CFAP92: variants seen among roughly 807,000 people sequenced by gnomAD.
The protein encoded by CFAP92 is cilia and flagella associated protein 92 (putative), also known as uncharacterized protein CFAP92.
CFAP92 carries 86 observed loss-of-function variants against 106.3 expected under a neutral mutation model. The ratio of observed to expected loss-of-function variants is 0.81; its 90% CI spans 0.68 to 0.97. CFAP92 has a LOEUF of 0.97. Among genes scored for constraint, CFAP92 ranks in the 50% least tolerant of loss-of-function variants. The pLI is 0.00. For synonymous variants in CFAP92, 477 were observed against 506.4 expected (o/e 0.94, Z 0.78); for missense variants, 1,204 against 1,283.8 (o/e 0.94, Z 0.95).
At chr3:128,959,471 T>C (rs1440579739) in intron 9 of CFAP92, among the ~76,000 whole-genome samples, 6 of 152,080 alleles carry the variant, frequency 3.9e-5, no homozygotes, top group African/African-American at 9.7e-5. Context: ...AAATCTCCCA[T>C]TGACCTTTTC....
chr3:128,980,490 T>TG (rs1453890867), intron 4 of CFAP92, among the ~76,000 whole-genome samples: 4 of 152,044 alleles, frequency 2.6e-5, no homozygotes, highest in Non-Finnish European at 2.9e-5. Flanking sequence ...TGCTGAGGGC[T>TG]GGGTTCACCT....
At position 128,935,354 on chromosome 3, in the gene CFAP92, T is replaced by G. The variant is rs566833201; in HGVS notation, c.2259-35A>C. Reference sequence around the variant, plus strand: ...ACAGAAGGCCAAGAGCTAACTTGCATGGCAGCTTCCTGGGACACCGTGGTG... The same window carrying G: ...ACAGAAGGCCAAGAGCTAACTTGCAGGGCAGCTTCCTGGGACACCGTGGTG... On this transcript the variant is annotated intron_variant, in intron 10 of 15. Coordinates refer to ENST00000645291, the MANE Select transcript of CFAP92 (RefSeq NM_001394090.1). 3 of 1,418,496 alleles carry G rather than the reference T, an allele frequency of 2.1e-6. No individual in the cohort carries two copies. The East Asian group carries it at 7.6e-5, about 36-fold the overall frequency. The allele number at this position is 1,418,496 out of a possible 1,614,324, so 87.9% of individuals were successfully genotyped here. A position where few individuals can be genotyped will look rare whatever the true frequency, so the allele number is the denominator to read the frequency against.
Position 128,935,172 on chromosome 3 carries a change from G to A in CFAP92, c.2406C>T (p.Phe802=), listed in dbSNP as rs1462175893. ...GCCTCCGCTCAGTGTCTCGCAGGAA[G>A]AACACCGCCTGCTGCAGCAGCAGCT... is the stretch of plus-strand genomic sequence containing the variant. ...PTELLLQQAV[F]FLRDTERRRV... Residue 802 remains phenylalanine, a synonymous_variant, in exon 11 of 16, where the codon TTC becomes TTT. Coordinates refer to ENST00000645291, the MANE Select transcript of CFAP92 (RefSeq NM_001394090.1). 2.0e-6 allele frequency: 3 copies of A among 1,535,798 alleles called. No homozygotes were observed. Among genetic ancestry groups the A allele is most frequent in the Non-Finnish European group, 2.6e-6 (3 of 1,146,648 alleles).
At chr3:129,005,983 T>G (rs73865536), upstream of CFAP92, among the ~76,000 whole-genome samples, 695 of 152,402 alleles carry the variant, frequency 4.6e-3, 5 homozygotes, top group African/African-American at 0.016. Context: ...TACAAGTGAC[T>G]ACAAACATTG....
chr3:128,980,324 A>G (rs1405129543), intron 4 of CFAP92, among the ~76,000 whole-genome samples: 2 of 148,422 alleles, frequency 1.3e-5, no homozygotes, highest in African/African-American at 5.0e-5. Flanking sequence ...CCATGATCAC[A>G]CCACTGCACT....
chr3:128,934,366 T>C (rs1444930058), intron 11 of CFAP92, among the ~76,000 whole-genome samples: 1 of 152,000 alleles, frequency 6.6e-6, no homozygotes, highest in Non-Finnish European at 1.5e-5. Flanking sequence ...ATTACAGGCA[T>C]GCGCCACCAT....
chr3:129,021,106 C>T, the CFAP92 span, among the ~76,000 whole-genome samples: 2 of 152,162 alleles, frequency 1.3e-5, no homozygotes, highest in Non-Finnish European at 2.9e-5. Flanking sequence ...ATGAGGGGCC[C>T]TGCCAGGGAA....
Position 128,975,914 on chromosome 3 carries a change from C to A in CFAP92, c.897-11G>T. The stretch of plus-strand genomic sequence containing the variant: ...CTTGAAACACTCCATCTAGAAAATT[C>A]ACAAAGAGAAAAATTAATGAAGGTG... On this transcript the variant is annotated splice_polypyrimidine_tract_variant and intron_variant, in intron 6 of 15. Transcript: ENST00000645291. 6.3e-7 allele frequency: 1 copy of A among 1,591,986 alleles called. No homozygotes were observed.
At chr3:129,021,140 A>T in the CFAP92 span, among the ~76,000 whole-genome samples, 1 of 152,174 alleles carries the variant, frequency 6.6e-6, no homozygotes, top group Admixed American at 6.5e-5. Context: ...CAGATCCTGT[A>T]TGACCAAGCA....
chr3:129,018,095 A>G, the CFAP92 span, among the ~76,000 whole-genome samples: 3 of 152,200 alleles, frequency 2.0e-5, no homozygotes, highest in Admixed American at 1.3e-4. Flanking sequence ...ATCCCCAGCC[A>G]GATGCTTGGT....
intron 12 of CFAP92, among the ~76,000 whole-genome samples, chr3:128,929,348 C>T (rs1339147477): frequency 2.6e-5 from 4 of 152,118 alleles, no homozygotes; most frequent in Non-Finnish European, 4.4e-5. Context: ...CTGTAAAAAC[C>T]GCTTTTCTTA....
intron 7 of CFAP92, among the ~76,000 whole-genome samples, chr3:128,973,912 T>A (rs78168871): frequency 6.6e-5 from 10 of 152,194 alleles, no homozygotes; most frequent in Admixed American, 6.5e-4. Context: ...AACACCTAAA[T>A]TGTGAATATG....
At chr3:128,946,977 C>T (rs1437419452) in intron 9 of CFAP92, among the ~76,000 whole-genome samples, 2 of 151,976 alleles carry the variant, frequency 1.3e-5, no homozygotes, top group African/African-American at 4.8e-5. Flanking sequence ...AGCCAAATAC[C>T]AACCACACAA....
At chr3:128,914,793 T>A (rs1230039450) in intron 15 of CFAP92, 1 of 278,142 alleles carries the variant, frequency 3.6e-6, no homozygotes, top group Non-Finnish European at 6.9e-6. Context: ...TAGAGATCAG[T>A]CATGGGTAAT....
intron 4 of CFAP92, among the ~76,000 whole-genome samples, chr3:128,985,770 T>A (rs1943813376): frequency 6.6e-6 from 1 of 152,116 alleles, no homozygotes; most frequent in South Asian, 2.1e-4. Flanking sequence ...GTGAGAAAAA[T>A]TACCTTGAAT....
chr3:129,002,338 A>G (rs1458105046), intron 1 of CFAP92: 2 of 1,512,106 alleles, frequency 1.3e-6, no homozygotes, highest in Admixed American at 4.2e-5. Context: ...CGCGCCGGCC[A>G]CGAAGGGAGG....
upstream of CFAP92, among the ~76,000 whole-genome samples, chr3:129,003,566 T>TG (rs1944904698): frequency 8.0e-6 from 1 of 124,458 alleles, no homozygotes; most frequent in African/African-American, 3.1e-5. Flanking sequence ...CGTTGGGGGG[T>TG]GGGGGATGAG....
At chr3:129,006,376 G>A (rs1945075690), upstream of CFAP92, among the ~76,000 whole-genome samples, 1 of 152,222 alleles carries the variant, frequency 6.6e-6, no homozygotes, top group African/African-American at 2.4e-5. Context: ...GAGTGCAATG[G>A]TGCGATCTTG....
upstream of CFAP92, among the ~76,000 whole-genome samples, chr3:128,996,935 A>AT (rs1944501659): frequency 6.6e-6 from 1 of 152,186 alleles, no homozygotes; most frequent in African/African-American, 2.4e-5. Context: ...CTCAGATGGC[A>AT]TTCTCAGAGC....
Sources: allele counts gnomAD v4.1 joint callset (sites outside exome capture counted in the v4.1 genomes callset), GRCh38; gene constraint gnomAD v4.1.1; transcripts MANE v1.5; gene names NCBI Gene and HGNC (gene_info 2026-07-23, HGNC 2026-07-21).